NDRG4: variants seen among roughly 807,000 people sequenced by gnomAD.
NDRG4 encodes the protein NDRG family member 4.
Under a neutral mutation model 55.8 loss-of-function variants are expected in NDRG4, and 38 were observed. That is an observed-to-expected ratio of 0.68 (90% CI 0.53 to 0.89). The LOEUF (loss-of-function observed/expected upper bound fraction) is 0.89. Ranked by LOEUF, NDRG4 falls within the 40% of genes least tolerant of loss-of-function variation. The probability of loss-of-function intolerance (pLI) is 0.00; values close to 1 mark genes in which losing one functional copy is unlikely to be tolerated. For missense variants in NDRG4, 455 were observed against 468.6 expected (o/e 0.97, Z 0.27); for synonymous variants, 190 against 182.7 (o/e 1.04, Z -0.32).
intron 1 of NDRG4, among the ~76,000 whole-genome samples, chr16:58,473,406 C>T (rs951876612): frequency 2.0e-5 from 3 of 152,138 alleles, no homozygotes; most frequent in African/African-American, 7.2e-5. Flanking sequence ...TCAAGTAATC[C>T]TCCCACCTTG....
At chr16:58,471,540 G>A (rs1249732730) in intron 1 of NDRG4, among the ~76,000 whole-genome samples, 3 of 152,074 alleles carry the variant, frequency 2.0e-5, no homozygotes, top group African/African-American at 7.2e-5. Context: ...AACCTAAGTG[G>A]GATGAGCACT....
At position 58,494,943 on chromosome 16, in the gene NDRG4, C is replaced by T. The variant is rs541934666; in HGVS notation, c.73-21C>T. 105 of 1,613,336 alleles carry T rather than the reference C, an allele frequency of 6.5e-5. No individual in the cohort carries two copies. In the South Asian group the frequency reaches 8.1e-4, roughly 13 times the overall value. On this transcript the variant is annotated intron_variant, in intron 2 of 15. Transcript: ENST00000258187. ...CCAGCCAGGGCCTAACTTGCCACCC[C>T]CTCTGTTTGCCTTCCCCTAGGAGAG... is the stretch of plus-strand genomic sequence containing the variant.
intron 8 of NDRG4, 200 bp from the exon 9 acceptor site, chr16:58,507,608 G>C (rs1327378741): frequency 5.1e-6 from 3 of 585,826 alleles, no homozygotes; most frequent in Non-Finnish European, 9.1e-6. Flanking sequence ...TGGCTCTGAG[G>C]GGGATAGAGA....
At chr16:58,501,528 T>TGGGGCTGCCCTTGC (rs974399552) in intron 1 of NDRG4, 1 of 160,602 alleles carries the variant, frequency 6.2e-6, no homozygotes, top group African/African-American at 2.4e-5. Flanking sequence ...GTGGCCCTTG[T>TGGGGCTGCCCTTGC]GGGGCTGCCC....
chr16:58,489,814 C>A (rs1331208966), intron 2 of NDRG4, among the ~76,000 whole-genome samples: 2 of 151,938 alleles, frequency 1.3e-5, no homozygotes, highest in Non-Finnish European at 2.9e-5. Context: ...CTGCCTGTGT[C>A]TTTCTTTCTG....
intron 2 of NDRG4, 91 bp downstream of exon 2, chr16:58,503,994 C>T: frequency 1.3e-6 from 2 of 1,530,894 alleles, no homozygotes; most frequent in Middle Eastern, 1.9e-4. Context: ...GCCCTGTCAG[C>T]CCCACTCACA....
Position 58,464,565 on chromosome 16 carries a change from G to T in NDRG4, c.-24+768G>T. On this transcript the variant is annotated intron_variant, in intron 1 of 15. Coordinates refer to the NDRG4 transcript ENST00000258187. The surrounding 1 kb of genome is among the most constrained non-coding windows in gnomAD (Gnocchi z 4.8). ...ACTGGGGCGGCTCGGGTCTGAGCAGGAAGGGGTGCGGACCCCAACTAAGTC... is the reference window on the plus strand; with the variant it reads ...ACTGGGGCGGCTCGGGTCTGAGCAGTAAGGGGTGCGGACCCCAACTAAGTC... 2.6e-6 allele frequency: 3 copies of T among 1,140,354 alleles called. No homozygotes were observed. In the South Asian group the frequency reaches 8.4e-5, roughly 32 times the overall value. The allele number at this position is 1,140,354 out of a possible 1,614,324, so 70.6% of individuals were successfully genotyped here.
intron 13 of NDRG4, 53 bp from the exon 14 acceptor site, chr16:58,510,590 CTG>C: frequency 6.9e-7 from 1 of 1,453,224 alleles, no homozygotes; most frequent in South Asian, 1.2e-5. Context: ...ACGCTCTTCA[CTG>C]TGTTGTGTCT....
intron 1 of NDRG4, among the ~76,000 whole-genome samples, chr16:58,469,496 T>C (rs919365005): frequency 3.3e-5 from 5 of 152,150 alleles, no homozygotes; most frequent in African/African-American, 1.2e-4. Context: ...AGCAGTTGAA[T>C]TTTTAGGAAC....
At chr16:58,508,558 C>T (rs533489033) in intron 10 of NDRG4, among the ~76,000 whole-genome samples, 1 of 152,286 alleles carries the variant, frequency 6.6e-6, no homozygotes, top group Non-Finnish European at 1.5e-5. Context: ...CTTTCCCATG[C>T]CCACTGGGAG....
At chr16:58,465,251 C>A (rs1326593740) in intron 1 of NDRG4, 15 of 556,436 alleles carry the variant, frequency 2.7e-5, no homozygotes, top group Non-Finnish European at 4.1e-5. Flanking sequence ...TGTCCTCCGA[C>A]ACCTGGGGGA....
In NDRG4 at chr16:58,464,552, C is replaced by A; in HGVS notation, c.-24+755C>A. 1 of 1,211,908 alleles carries A rather than the reference C, an allele frequency of 8.3e-7. No individual in the cohort carries two copies. Among genetic ancestry groups the A allele is most frequent in the Non-Finnish European group, 1.1e-6 (1 of 948,942 alleles). The allele number at this position is 1,211,908 out of a possible 1,614,324, so 75.1% of individuals were successfully genotyped here. ...GCGGCGGCCGGGGACTGGGGCGGCTCGGGTCTGAGCAGGAAGGGGTGCGGA... is the reference window on the plus strand; with the variant it reads ...GCGGCGGCCGGGGACTGGGGCGGCTAGGGTCTGAGCAGGAAGGGGTGCGGA... On this transcript the variant is annotated intron_variant, in intron 1 of 15. Transcript: ENST00000258187. This position sits in a 1 kb window ranked among gnomAD's most constrained non-coding sequence, Gnocchi z 4.8.
intron 1 of NDRG4, among the ~76,000 whole-genome samples, chr16:58,482,224 C>T (rs1432973140): frequency 6.6e-6 from 1 of 152,186 alleles, no homozygotes; most frequent in African/African-American, 2.4e-5. Context: ...GACCTTATAA[C>T]TCAGGAGTGT....
downstream of NDRG4, among the ~76,000 whole-genome samples, chr16:58,514,629 C>A (rs921890081): frequency 2.0e-5 from 3 of 151,720 alleles, no homozygotes; most frequent in Non-Finnish European, 2.9e-5. Flanking sequence ...GTAGTCCCAG[C>A]TACTTGGGAG....
Position 58,512,182 on chromosome 16 carries a change from G to C in NDRG4, c.*606G>C. 1 of 446,520 alleles carries C rather than the reference G, an allele frequency of 2.2e-6. No homozygotes were observed. The highest frequency in any genetic ancestry group is 1.6e-5 in the South Asian group (1 of 62,520). The allele number at this position is 446,520 out of a possible 1,614,324, so 27.7% of individuals were successfully genotyped here. Reference sequence around the variant, plus strand: ...GCGTCAAGGGGTTTCTCTGCCCAAGGAAGACAGAACATGGAGAACCGTCAG... The same window carrying C: ...GCGTCAAGGGGTTTCTCTGCCCAAGCAAGACAGAACATGGAGAACCGTCAG... On this transcript the variant is annotated 3_prime_UTR_variant, in exon 15 of 15. Coordinates refer to ENST00000570248, the MANE Select transcript of NDRG4 (RefSeq NM_001242835.2).
At position 58,464,539 on chromosome 16, in the gene NDRG4, G is replaced by A; in HGVS notation, c.-24+742G>A. 8.0e-7 allele frequency: 1 copy of A among 1,255,800 alleles called. No homozygotes were observed. The highest frequency in any genetic ancestry group is 1.0e-6 in the Non-Finnish European group (1 of 986,040). The allele number at this position is 1,255,800 out of a possible 1,614,324, so 77.8% of individuals were successfully genotyped here. ...GCGGACTCCGGGCGCGGCGGCCGGG[G>A]ACTGGGGCGGCTCGGGTCTGAGCAG... On this transcript the variant is annotated intron_variant, in intron 1 of 15. Coordinates refer to the NDRG4 transcript ENST00000258187. The surrounding 1 kb of genome is among the most constrained non-coding windows in gnomAD (Gnocchi z 4.8).
intron 2 of NDRG4, chr16:58,487,933 A>C (rs1017064333): frequency 1.8e-6 from 2 of 1,101,412 alleles, no homozygotes; most frequent in Non-Finnish European, 2.5e-6. Context: ...CCTTTCCTGC[A>C]GCCGACCCTC....
At chr16:58,506,856 G>A (rs2038099465) in intron 7 of NDRG4, 56 bp from the exon 8 acceptor site, 1 of 1,517,166 alleles carries the variant, frequency 6.6e-7, no homozygotes, top group African/African-American at 1.4e-5. Flanking sequence ...CCCCCTCTAA[G>A]CCTGCGTCCC....
upstream of NDRG4, among the ~76,000 whole-genome samples, chr16:58,497,695 AGGGTTTGGCTGGCAAGACCT>A (rs911673139): frequency 7.2e-5 from 11 of 152,306 alleles, no homozygotes; most frequent in East Asian, 9.6e-4. Context: ...GAGTGGCACC[AGGGTTTGGCTGGCAAGACCT>A]GGGTTTGGCT....
Sources: gnomAD v4.1 joint callset for allele counts (sites outside exome capture counted in the v4.1 genomes callset) on GRCh38, gnomAD v4.1.1 for gene constraint, Gnocchi (gnomAD v3.1) non-coding constraint, MANE v1.5 for transcripts, NCBI Gene and HGNC (gene_info 2026-07-23, HGNC 2026-07-21) for gene names.